TBC1D5: variants seen among roughly 807,000 people sequenced by gnomAD.
TBC1D5 encodes TBC1 domain family member 5.
In TBC1D5, 75 loss-of-function variants were observed where a neutral mutation model predicts 100.3. The ratio of observed to expected loss-of-function variants is 0.75; its 90% CI spans 0.62 to 0.91. The LOEUF (loss-of-function observed/expected upper bound fraction) is 0.91. Ranked by LOEUF, TBC1D5 falls within the 40% of genes least tolerant of loss-of-function variation. The pLI, the probability that TBC1D5 is intolerant of heterozygous loss-of-function variation, is 0.00. For synonymous variants in TBC1D5, 323 were observed against 325.6 expected, an observed-to-expected ratio of 0.99 and a Z score of 0.09; for missense variants, 910 against 942.4, an observed-to-expected ratio of 0.97 and a Z score of 0.45.
intron 13 of TBC1D5, among the ~76,000 whole-genome samples, chr3:17,350,258 A>T (rs1416514249): frequency 2.0e-5 from 3 of 152,168 alleles, no homozygotes; most frequent in Admixed American, 6.6e-5. Context: ...AAAAAAATAG[A>T]TAAGAAAAAA....
At chr3:17,216,823 T>C (rs191452861) in intron 17 of TBC1D5, among the ~76,000 whole-genome samples, 3 of 152,264 alleles carry the variant, frequency 2.0e-5, no homozygotes, top group East Asian at 1.9e-4. Flanking sequence ...ACCCCACTTA[T>C]ATGTGAATAC....
intron 13 of TBC1D5, among the ~76,000 whole-genome samples, chr3:17,370,767 C>T (rs190467654): frequency 2.0e-5 from 3 of 152,208 alleles, no homozygotes; most frequent in Admixed American, 2.0e-4. Context: ...GTTAAATAAA[C>T]AGACCCTGCT....
intron 1 of TBC1D5, among the ~76,000 whole-genome samples, chr3:17,631,287 A>C (rs1344215395): frequency 6.6e-6 from 1 of 152,228 alleles, no homozygotes; most frequent in Non-Finnish European, 1.5e-5. Context: ...CTTCAATTCC[A>C]TGAAGATGAG....
chr3:17,343,981 G>C (rs1449579167), intron 13 of TBC1D5, among the ~76,000 whole-genome samples: 1 of 151,954 alleles, frequency 6.6e-6, no homozygotes, highest in African/African-American at 2.4e-5. Flanking sequence ...GTTCTGCTCT[G>C]ATTTTAGTTA....
At chr3:17,546,332 G>A (rs543576219) in intron 2 of TBC1D5, among the ~76,000 whole-genome samples, 12 of 152,060 alleles carry the variant, frequency 7.9e-5, no homozygotes, top group South Asian at 2.1e-4. Context: ...TTTATATTGC[G>A]CACTGGACTT....
Position 17,282,072 on chromosome 3 carries a change from A to C in TBC1D5, c.1245+9823T>G, listed in dbSNP as rs574124625. On this transcript the variant is annotated intron_variant, in intron 15 of 21. Coordinates refer to ENST00000253692, the Ensembl canonical transcript of TBC1D5. The stretch of plus-strand genomic sequence containing the variant: ...ATTAGCTAGGTAGTCACAGCACTTA[A>C]AGCTGGAAATGACTGTTAGAGATTA... 2.6e-5 allele frequency among the ~76,000 whole-genome samples: 4 copies of C among 152,348 alleles called. 1 individual carries two copies. In the South Asian group the frequency reaches 8.3e-4, roughly 32 times the overall value.
chr3:17,214,314 T>C (rs371310527), exon 18 of TBC1D5: 3 of 1,613,128 alleles, frequency 1.9e-6, no homozygotes, highest in South Asian at 1.1e-5. Flanking sequence ...GTGAATTCTC[T>C]TCCTCCAGGC....
intron 3 of TBC1D5, among the ~76,000 whole-genome samples, chr3:17,483,598 A>G (rs2095525202): frequency 6.6e-6 from 1 of 152,234 alleles, no homozygotes. Flanking sequence ...ATTGATATGT[A>G]TGCAATAATT....
At chr3:17,480,938 A>G (rs538892665) in intron 3 of TBC1D5, among the ~76,000 whole-genome samples, 4 of 152,320 alleles carry the variant, frequency 2.6e-5, no homozygotes, top group African/African-American at 9.6e-5. Flanking sequence ...TAAAAGAGCT[A>G]TAACACAAAT....
chr3:17,317,522 T>A (rs1425601918), intron 13 of TBC1D5, among the ~76,000 whole-genome samples: 1 of 152,204 alleles, frequency 6.6e-6, no homozygotes, highest in Non-Finnish European at 1.5e-5. Context: ...ACAAAAGAGT[T>A]AAGGAGGGGA....
intron 3 of TBC1D5, among the ~76,000 whole-genome samples, chr3:17,448,503 T>C (rs2094850392): frequency 6.6e-6 from 1 of 152,220 alleles, no homozygotes; most frequent in Non-Finnish European, 1.5e-5. Context: ...ATTTCTTAAA[T>C]AATAAGATGT....
rs183655458 is a variant in TBC1D5 at position 17,183,113 on chromosome 3, C to A, written c.1852+1996G>T. On this transcript the variant is annotated intron_variant, in intron 19 of 21. Coordinates refer to ENST00000253692, the Ensembl canonical transcript of TBC1D5. ...GTATGCCTGAGATGAAACTCTCCCC[C>A]CAACTGGAGAGTATCTCAGACAACA... 9.9e-5 allele frequency among the ~76,000 whole-genome samples: 15 copies of A among 152,132 alleles called. No homozygotes were observed. The South Asian group carries it at 1.0e-3, about 11-fold the overall frequency.
At chr3:17,208,940 T>C (rs1469906750) in intron 18 of TBC1D5, among the ~76,000 whole-genome samples, 1 of 152,216 alleles carries the variant, frequency 6.6e-6, no homozygotes, top group East Asian at 1.9e-4. Flanking sequence ...TAGTTGTTAT[T>C]TTTAATCTAA....
chr3:17,708,095 T>A (rs1220849164), intron 1 of TBC1D5, among the ~76,000 whole-genome samples: 2 of 152,218 alleles, frequency 1.3e-5, no homozygotes, highest in African/African-American at 2.4e-5. Context: ...TCCCCTTCTT[T>A]ACCTCCTTAC....
chr3:17,489,346 A>C (rs2095609986), intron 3 of TBC1D5, among the ~76,000 whole-genome samples: 1 of 152,178 alleles, frequency 6.6e-6, no homozygotes, highest in African/African-American at 2.4e-5. Flanking sequence ...CTGACCTCAG[A>C]ATTTAAAATA....
chr3:17,406,429 TG>T lies in TBC1D5; in HGVS notation c.264del (p.Ser88ArgfsTer19). 6.2e-7 allele frequency: 1 copy of T among 1,606,550 alleles called. No homozygotes were observed. The highest frequency in any genetic ancestry group is 8.5e-7 in the Non-Finnish European group (1 of 1,177,406). On this transcript the variant is annotated frameshift_variant, in exon 5 of 22. Transcript: ENST00000253692. LOFTEE classifies it high-confidence loss of function. ...TATTTTCTTCTTACCTTCCAGCAAA[TG>T]CTGCGGAACCTGCTGCTTCTCAGCT... is the stretch of plus-strand genomic sequence containing the variant.
At chr3:17,518,336 G>C (rs1489155769) in intron 2 of TBC1D5, among the ~76,000 whole-genome samples, 2 of 152,114 alleles carry the variant, frequency 1.3e-5, no homozygotes, top group South Asian at 4.1e-4. Flanking sequence ...AGGACACCCA[G>C]GACTCAGCCA....
At chr3:17,724,684 C>A (rs976904378) in intron 1 of TBC1D5, among the ~76,000 whole-genome samples, 2 of 152,162 alleles carry the variant, frequency 1.3e-5, no homozygotes, top group Admixed American at 6.5e-5. Flanking sequence ...CAACTATTAT[C>A]TCATCAAATA....
chr3:17,496,503 A>G (rs890406852), intron 3 of TBC1D5, among the ~76,000 whole-genome samples: 1 of 152,036 alleles, frequency 6.6e-6, no homozygotes, highest in African/African-American at 2.4e-5. Flanking sequence ...AAAGGTTTCA[A>G]TAGGCTATAT....
Sources: allele counts gnomAD v4.1 joint callset (sites outside exome capture counted in the v4.1 genomes callset), GRCh38; gene constraint gnomAD v4.1.1; transcripts MANE v1.5; gene names NCBI Gene and HGNC (gene_info 2026-07-23, HGNC 2026-07-21).